Variants in DMD observed in about 807,000 individuals in gnomAD.
DMD encodes dystrophin.
A neutral mutation model predicts 330.1 loss-of-function variants in DMD; 63 were observed. The observed-to-expected ratio is 0.19, with a 90% CI of 0.16 to 0.24. The LOEUF (loss-of-function observed/expected upper bound fraction) is 0.24. DMD is among the 10% of genes least tolerant of loss of function. The pLI is 1.00. For missense variants in DMD, 3,344 were observed against 2,684.1 expected (o/e 1.25, Z -5.43); for synonymous variants, 1,223 against 959.8 (o/e 1.27, Z -5.07).
intron 7 of DMD, among the ~76,000 whole-genome samples, chrX:32,745,148 G>A (rs887807327): frequency 3.6e-5 from 4 of 111,832 alleles, no homozygotes; most frequent in African/African-American, 1.3e-4. Flanking sequence ...AAAGTAATTG[G>A]CAAGAAAAAA....
intron 47 of DMD, among the ~76,000 whole-genome samples, chrX:31,885,687 T>C (rs1457455950): frequency 9.1e-6 from 1 of 110,241 alleles, no homozygotes; most frequent in Non-Finnish European, 1.9e-5. Flanking sequence ...ACTTATGCTT[T>C]TCAATAGTTA....
intron 7 of DMD, among the ~76,000 whole-genome samples, chrX:32,703,288 GC>G (rs1223164717): frequency 9.0e-6 from 1 of 111,390 alleles, no homozygotes; most frequent in Non-Finnish European, 1.9e-5. Context: ...ATGTTATGAA[GC>G]CCAAATCCAA....
chrX:32,081,577 G>A (rs189570396), intron 44 of DMD, among the ~76,000 whole-genome samples: 23 of 111,734 alleles, frequency 2.1e-4, no homozygotes, highest in Admixed American at 4.8e-4. Context: ...GAGTCTGGCC[G>A]GGCGTAGTGG....
At chrX:32,851,592 A>G (rs1324166442) in intron 2 of DMD, among the ~76,000 whole-genome samples, 1 of 112,436 alleles carries the variant, frequency 8.9e-6, no homozygotes, top group Non-Finnish European at 1.9e-5. Flanking sequence ...AAAAACCAAA[A>G]ATCAAGTGAG....
chrX:32,753,329 T>A (rs556923841), intron 7 of DMD, among the ~76,000 whole-genome samples: 1 of 112,500 alleles, frequency 8.9e-6, no homozygotes, highest in South Asian at 3.7e-4. Flanking sequence ...AGCCTTTTCT[T>A]ATGTCTTCAA....
chrX:31,293,096 C>T (rs1016767886), intron 62 of DMD, among the ~76,000 whole-genome samples: 2 of 109,395 alleles, frequency 1.8e-5, no homozygotes, highest in African/African-American at 3.4e-5. Context: ...AAACCATTCA[C>T]TTAGACTCCC....
chrX:32,400,982 C>A (rs1275007202), intron 30 of DMD, among the ~76,000 whole-genome samples: 2 of 110,709 alleles, frequency 1.8e-5, no homozygotes, highest in Non-Finnish European at 3.8e-5. Context: ...ACATATACAC[C>A]TTGGAATACT....
At chrX:32,315,540 G>A (rs926518580) in intron 41 of DMD, among the ~76,000 whole-genome samples, 1 of 110,421 alleles carries the variant, frequency 9.1e-6, no homozygotes, top group Non-Finnish European at 1.9e-5. Flanking sequence ...AAATCATTCA[G>A]TGACACTGGA....
chrX:32,818,180 C>T (rs1256444017), intron 5 of DMD, among the ~76,000 whole-genome samples: 1 of 111,785 alleles, frequency 8.9e-6, no homozygotes, highest in Non-Finnish European at 1.9e-5. Flanking sequence ...AATGGATTTG[C>T]AATAATCAAG....
chrX:33,018,619 AATTC>A (rs1380030881), intron 2 of DMD, among the ~76,000 whole-genome samples: 3 of 57,006 alleles, frequency 5.3e-5, no homozygotes, highest in Admixed American at 1.8e-4. Context: ...ACTCTAGTTC[AATTC>A]AAAGATTCAG....
chrX:31,899,572 C>A (rs748881200), intron 47 of DMD, among the ~76,000 whole-genome samples: 1 of 110,966 alleles, frequency 9.0e-6, no homozygotes, highest in Admixed American at 9.6e-5. Flanking sequence ...GACTGATTTT[C>A]AAATCTGGAT....
chrX:32,217,149 A>G (rs1603628491), intron 43 of DMD, 86 bp from the exon 44 acceptor site: 1 of 941,119 alleles, frequency 1.1e-6, no homozygotes, highest in Non-Finnish European at 1.5e-6. Flanking sequence ...TTTTGGTTAT[A>G]CTGACAAAGA....
rs146105270 is a variant in DMD, at chrX:31,400,455, A to G, written c.9084+44026T>C. On this transcript the variant is annotated intron_variant, in intron 60 of 78. Transcript: ENST00000357033. ...AAGCTGTGCCCCAAACACCTTGGGC[A>G]CATGTCGTTAGAACCTCCTGAGGCT... is the stretch of plus-strand genomic sequence containing the variant. Among the ~76,000 whole-genome samples, 53 of 111,661 alleles carry G rather than the reference A, an allele frequency of 4.7e-4. 1 individual carries two copies. In the East Asian group the frequency reaches 0.014, roughly 30 times the overall value.
rs758003516 is a variant in DMD, at chrX:31,981,227, G to A, written c.6439-12713C>T. On this transcript the variant is annotated intron_variant, in intron 44 of 78. Transcript: ENST00000357033. The stretch of plus-strand genomic sequence containing the variant: ...TTCAGGAACACACGTGTGTATGTGG[G>A]GGTGTATGTTTATTAGATTAAGAAG... Among the ~76,000 whole-genome samples, 4 of 111,638 alleles carry A rather than the reference G, an allele frequency of 3.6e-5. No homozygotes were observed. In the South Asian group the frequency reaches 1.5e-3, roughly 42 times the overall value.
chrX:32,778,580 G>A (rs1382270206), intron 7 of DMD, among the ~76,000 whole-genome samples: 2 of 112,214 alleles, frequency 1.8e-5, no homozygotes, highest in Non-Finnish European at 3.8e-5. Flanking sequence ...CTAAACTCAA[G>A]CAACAGCAGG....
intron 44 of DMD, among the ~76,000 whole-genome samples, chrX:32,146,446 G>A (rs2096778859): frequency 9.0e-6 from 1 of 111,159 alleles, no homozygotes; most frequent in African/African-American, 3.3e-5. Context: ...GAGACAGGTA[G>A]ACAGCCAGAT....
intron 43 of DMD, among the ~76,000 whole-genome samples, chrX:32,246,856 A>G (rs1052666629): frequency 1.4e-4 from 16 of 111,093 alleles, no homozygotes; most frequent in African/African-American, 4.6e-4. Flanking sequence ...ATGGCTCACA[A>G]CCAGCACCAC....
chrX:32,815,805 A>C (rs2077717402), intron 6 of DMD, among the ~76,000 whole-genome samples: 1 of 110,344 alleles, frequency 9.1e-6, no homozygotes, highest in African/African-American at 3.3e-5. Flanking sequence ...TCCACAAAAG[A>C]TCTCTCTCTT....
intron 1 of DMD, among the ~76,000 whole-genome samples, chrX:33,283,218 G>A (rs2053367086): frequency 8.9e-6 from 1 of 112,122 alleles, no homozygotes; most frequent in Non-Finnish European, 1.9e-5. Context: ...ATAAGTACAT[G>A]TCAGCCTTTG....
Sources: gnomAD v4.1 joint callset for allele counts (sites outside exome capture counted in the v4.1 genomes callset) on GRCh38, gnomAD v4.1.1 for gene constraint, MANE v1.5 for transcripts, NCBI Gene and HGNC (gene_info 2026-07-23, HGNC 2026-07-21) for gene names.